Variants in SH3PXD2A observed in about 807,000 individuals in gnomAD.
SH3PXD2A encodes the protein SH3 and PX domains 2A, also known as SH3 and PX domain-containing protein 2A.
SH3PXD2A carries 32 observed loss-of-function variants against 115.2 expected under a neutral mutation model. That is an observed-to-expected ratio of 0.28 (90% confidence interval 0.21 to 0.37). SH3PXD2A has a LOEUF of 0.37. Among genes scored for constraint, SH3PXD2A ranks in the 10% least tolerant of loss-of-function variants. SH3PXD2A has a pLI of 1.00. For missense variants in SH3PXD2A, 1,328 were observed against 1,498.7 expected (o/e 0.89, Z 1.88); for synonymous variants, 610 against 629.1 (o/e 0.97, Z 0.45).
Position 103,594,467 on chromosome 10 carries a change from G to A in SH3PXD2A, c.*7349C>T, listed in dbSNP as rs2036106648. The A allele has an allele frequency of 6.6e-6, 1 of 152,288 alleles. No homozygotes were observed. Among genetic ancestry groups the A allele is most frequent in the Non-Finnish European group, 1.5e-5 (1 of 68,052 alleles). The allele number at this position is 152,288 out of a possible 1,614,324, so 9.4% of individuals were successfully genotyped here. ...CTAAGAGCTGGGAGGGGAATTCCAT[G>A]AGGAATTCTCCAAGGTTCTGGAGCT... On this transcript the variant is annotated 3_prime_UTR_variant, in exon 15 of 15. Coordinates refer to ENST00000369774, the MANE Select transcript of SH3PXD2A (RefSeq NM_001394015.1).
chr10:103,626,263 TACTTTGGCCTG>T (rs1369094316), intron 9 of SH3PXD2A, among the ~76,000 whole-genome samples: 1 of 152,232 alleles, frequency 6.6e-6, no homozygotes, highest in Non-Finnish European at 1.5e-5. Flanking sequence ...GGCGGCTGCT[TACTTTGGCCTG>T]GCAGCAGAAA....
chr10:103,779,609 A>G (rs1221502593), intron 2 of SH3PXD2A, among the ~76,000 whole-genome samples: 1 of 152,174 alleles, frequency 6.6e-6, no homozygotes, highest in African/African-American at 2.4e-5. Flanking sequence ...ACACTGTGAA[A>G]GTGGAATTCT....
intron 1 of SH3PXD2A, among the ~76,000 whole-genome samples, chr10:103,810,335 G>A (rs949291275): frequency 6.6e-6 from 1 of 152,184 alleles, no homozygotes; most frequent in Non-Finnish European, 1.5e-5. Context: ...ATGAGGCAAA[G>A]CATCCAACCT....
At chr10:103,778,636 C>A (rs187402329) in intron 2 of SH3PXD2A, among the ~76,000 whole-genome samples, 5 of 152,314 alleles carry the variant, frequency 3.3e-5, no homozygotes, top group African/African-American at 7.2e-5. Flanking sequence ...GGTGTGCTGG[C>A]CTTACCGTGA....
At chr10:103,826,304 G>T (rs1185781163) in intron 1 of SH3PXD2A, among the ~76,000 whole-genome samples, 1 of 152,130 alleles carries the variant, frequency 6.6e-6, no homozygotes, top group East Asian at 1.9e-4. Context: ...TTCTCCAAGT[G>T]AGGATACTTG....
intron 3 of SH3PXD2A, among the ~76,000 whole-genome samples, 178 bp downstream of exon 3, chr10:103,766,916 T>C (rs2038760715): frequency 6.6e-6 from 1 of 152,188 alleles, no homozygotes; most frequent in African/African-American, 2.4e-5. Flanking sequence ...AGAAGCCACT[T>C]GGAGGACAGT....
rs2036109906 is a variant in SH3PXD2A, at chr10:103,594,715, T to C, written c.*7101A>G. The C allele has an allele frequency of 1.3e-5, 2 of 152,224 alleles. No individual in the cohort carries two copies. The highest frequency in any genetic ancestry group is 4.8e-5 in the African/African-American group (2 of 41,458). The allele number at this position is 152,224 out of a possible 1,614,324, so 9.4% of individuals were successfully genotyped here. On this transcript the variant is annotated 3_prime_UTR_variant, in exon 15 of 15. Coordinates refer to ENST00000369774, the MANE Select transcript of SH3PXD2A (RefSeq NM_001394015.1). ...CTGTTTTGCTGTTCTTTCTCTGCAG[T>C]AAACTCTTATGGGGAGTGTGCCTTG...
At chr10:103,625,034 A>AC (rs1375585359) in intron 9 of SH3PXD2A, among the ~76,000 whole-genome samples, 2 of 151,402 alleles carry the variant, frequency 1.3e-5, no homozygotes, top group Middle Eastern at 3.4e-3. Flanking sequence ...ACCCACACCC[A>AC]CCCCCCACAC....
At chr10:103,817,073 C>A (rs1417231387) in intron 1 of SH3PXD2A, among the ~76,000 whole-genome samples, 2 of 141,236 alleles carry the variant, frequency 1.4e-5, no homozygotes, top group Non-Finnish European at 3.0e-5. Context: ...TGATCTTGAA[C>A]TCTTGACCTC....
chr10:103,692,935 C>G, intron 6 of SH3PXD2A, 93 bp downstream of exon 6: 1 of 800,482 alleles, frequency 1.2e-6, no homozygotes, highest in Admixed American at 1.9e-5. Flanking sequence ...ACCCCCCCCT[C>G]CCCGCCCCCA....
intron 6 of SH3PXD2A, among the ~76,000 whole-genome samples, chr10:103,684,926 G>A (rs2037657973): frequency 6.6e-6 from 1 of 152,138 alleles, no homozygotes; most frequent in African/African-American, 2.4e-5. Context: ...AGGCTGAGGT[G>A]AGAGGATTGC....
Position 103,620,407 on chromosome 10 carries a change from C to T in SH3PXD2A, c.802+2063G>A, listed in dbSNP as rs2133945542. Among the ~76,000 whole-genome samples, 1 of 152,276 alleles carries T rather than the reference C, an allele frequency of 6.6e-6. No homozygotes were observed. The highest frequency in any genetic ancestry group is 2.1e-4 in the South Asian group (1 of 4,824). Reference sequence around the variant, plus strand: ...CAAACCACAGAAGCCTCCTCTTCCCCAACACTTTCCCCTCTGTCAGCAGTC... The same window carrying T: ...CAAACCACAGAAGCCTCCTCTTCCCTAACACTTTCCCCTCTGTCAGCAGTC... On this transcript the variant is annotated intron_variant, in intron 10 of 14. Coordinates refer to ENST00000369774, the MANE Select transcript of SH3PXD2A (RefSeq NM_001394015.1). This position sits in a 1 kb window ranked among gnomAD's most constrained non-coding sequence, Gnocchi z 5.3.
chr10:103,765,228 T>A (rs1589446161), intron 3 of SH3PXD2A, among the ~76,000 whole-genome samples: 1 of 152,152 alleles, frequency 6.6e-6, no homozygotes, highest in Admixed American at 6.6e-5. Flanking sequence ...GTAGCGGCAG[T>A]ACACAAGCCT....
At chr10:103,787,516 G>T (rs2038992059) in intron 2 of SH3PXD2A, among the ~76,000 whole-genome samples, 1 of 152,152 alleles carries the variant, frequency 6.6e-6, no homozygotes, top group South Asian at 2.1e-4. Context: ...ACACAGAGGG[G>T]TTTCCCTCCA....
At chr10:103,761,519 ATAAGT>A (rs2038699478) in intron 3 of SH3PXD2A, among the ~76,000 whole-genome samples, 1 of 152,384 alleles carries the variant, frequency 6.6e-6, no homozygotes, top group South Asian at 2.1e-4. Flanking sequence ...CATTAAAATA[ATAAGT>A]TAAGTGGTTT....
chr10:103,749,394 T>G (rs1220295027), intron 3 of SH3PXD2A, among the ~76,000 whole-genome samples: 1 of 152,226 alleles, frequency 6.6e-6, no homozygotes, highest in Non-Finnish European at 1.5e-5. Context: ...GTGACCAGGC[T>G]GAACTCAAAG....
Position 103,693,119 on chromosome 10 carries a change from T to G in SH3PXD2A, c.399-63A>C, listed in dbSNP as rs747312565. 72 of 1,445,300 alleles carry G rather than the reference T, an allele frequency of 5.0e-5. No homozygotes were observed. The East Asian group carries it at 1.7e-3, about 34-fold the overall frequency. The allele number at this position is 1,445,300 out of a possible 1,614,324, so 89.5% of individuals were successfully genotyped here. On this transcript the variant is annotated intron_variant, in intron 5 of 14. Coordinates refer to ENST00000369774, the MANE Select transcript of SH3PXD2A (RefSeq NM_001394015.1). ...CCGGGCGCGAGCGCGGGGCTGCAGC[T>G]GCAGGGGCGCCCTCGGGCTGGCTGC...
At chr10:103,646,954 C>A (rs1409200132) in intron 8 of SH3PXD2A, among the ~76,000 whole-genome samples, 2 of 151,838 alleles carry the variant, frequency 1.3e-5, no homozygotes, top group African/African-American at 4.8e-5. Context: ...GGCCTGCCTG[C>A]CACACTGCCA....
At chr10:103,805,575 C>A (rs60027047) in intron 1 of SH3PXD2A, among the ~76,000 whole-genome samples, 8,560 of 152,308 alleles carry the variant, frequency 0.056, 284 homozygotes, top group South Asian at 0.11. Context: ...CGGAAAAGTT[C>A]TTTGCCCTCT....
Sources: allele counts gnomAD v4.1 joint callset (sites outside exome capture counted in the v4.1 genomes callset), GRCh38; gene constraint gnomAD v4.1.1; non-coding constraint Gnocchi (gnomAD v3.1); transcripts MANE v1.5; gene names NCBI Gene and HGNC (gene_info 2026-07-23, HGNC 2026-07-21).